Variants in PCDHGA2 observed in about 807,000 individuals in gnomAD.
PCDHGA2 encodes protocadherin gamma subfamily A, 2, also known as protocadherin gamma-A2.
PCDHGA2 carries 40 observed loss-of-function variants against 59.2 expected under a neutral mutation model. That is an observed-to-expected ratio of 0.68 (90% CI 0.52 to 0.88). The LOEUF is 0.88. PCDHGA2 is among the 40% of genes least tolerant of loss of function. The pLI is 0.00. For missense variants in PCDHGA2, 1,226 were observed against 1,204.0 expected (o/e 1.02, Z -0.27); for synonymous variants, 560 against 526.0 (o/e 1.06, Z -0.89).
chr5:141,396,943 G>A (rs1388753275), intron 1 of PCDHGA2, among the ~76,000 whole-genome samples: 6 of 152,178 alleles, frequency 3.9e-5, no homozygotes, highest in African/African-American at 1.2e-4. Flanking sequence ...TGCCCTGGTA[G>A]GAAAGAAAAT....
rs749645155 is a variant in PCDHGA2 at position 141,414,214 on chromosome 5, A to G, written c.2424+72819A>G. On this transcript the variant is annotated intron_variant, in intron 1 of 3. Transcript: ENST00000394576. ...GATTACAGTAGAAGATGTAAATGAC[A>G]ACAGTCCAGAGCTGACCATCACGTC... 6.2e-6 allele frequency: 10 copies of G among 1,613,126 alleles called. No homozygotes were observed. The South Asian group carries it at 9.9e-5, about 16-fold the overall frequency.
chr5:141,476,656 T>C lies in PCDHGA2; in HGVS notation c.2425-18151T>C. 1 of 1,614,210 alleles carries C rather than the reference T, an allele frequency of 6.2e-7. No individual in the cohort carries two copies. Among genetic ancestry groups the C allele is most frequent in the Non-Finnish European group, 8.5e-7 (1 of 1,180,044 alleles). On this transcript the variant is annotated intron_variant, in intron 1 of 3. Coordinates refer to ENST00000394576, the MANE Select transcript of PCDHGA2 (RefSeq NM_018915.4). This position sits in a 1 kb window ranked among gnomAD's most constrained non-coding sequence, Gnocchi z 7.6. ...ATGAGCTGAGCCGAAATGAATACTT[T>C]GCGCTTCGCGTGCAGACGCGGGAGG...
At chr5:141,365,624 CT>C (rs746073456) in intron 1 of PCDHGA2, 28 of 1,613,680 alleles carry the variant, frequency 1.7e-5, no homozygotes, top group East Asian at 1.3e-4. Flanking sequence ...AACCCCGCCC[CT>C]CTCTACAGAA....
chr5:141,363,067 T>A (rs1215757323), intron 1 of PCDHGA2, among the ~76,000 whole-genome samples: 1 of 152,250 alleles, frequency 6.6e-6, no homozygotes, highest in Non-Finnish European at 1.5e-5. Context: ...GCTAAATGTC[T>A]TGGAATCACA....
At chr5:141,361,081 A>T (rs1273300607) in intron 1 of PCDHGA2, 5 of 1,613,948 alleles carry the variant, frequency 3.1e-6, no homozygotes, top group Non-Finnish European at 4.2e-6. Flanking sequence ...AAGTAGTTAC[A>T]CTCTGAGTAT....
At chr5:141,494,763 C>T in intron 1 of PCDHGA2, 44 bp from the exon 2 acceptor site, 4 of 1,613,926 alleles carry the variant, frequency 2.5e-6, no homozygotes, top group Admixed American at 1.7e-5. Context: ...GACATTCTAA[C>T]TTCTCACGGG....
At position 141,362,252 on chromosome 5, in the gene PCDHGA2, C is replaced by A. The variant is rs1030341825; in HGVS notation, c.2424+20857C>A. ...TTGATCTCAGTGCTCTTCTTCCTCGCGGTGATTCTGGCAATCTCCCTGCGC... is the reference window on the plus strand; with the variant it reads ...TTGATCTCAGTGCTCTTCTTCCTCGAGGTGATTCTGGCAATCTCCCTGCGC... On this transcript the variant is annotated intron_variant, in intron 1 of 3. Coordinates refer to ENST00000394576, the MANE Select transcript of PCDHGA2 (RefSeq NM_018915.4). 1.9e-6 allele frequency: 3 copies of A among 1,613,904 alleles called. No homozygotes were observed. In the Admixed American group the frequency reaches 5.0e-5, roughly 27 times the overall value.
intron 1 of PCDHGA2, chr5:141,361,654 G>T (rs779307225): frequency 1.2e-6 from 2 of 1,613,664 alleles, no homozygotes; most frequent in African/African-American, 1.3e-5. Context: ...CTACGTGTCC[G>T]TGAGCGCGCA....
At chr5:141,495,104 G>C (rs552664771) in intron 2 of PCDHGA2, among the ~76,000 whole-genome samples, 16 of 152,194 alleles carry the variant, frequency 1.1e-4, no homozygotes, top group Admixed American at 8.5e-4. Flanking sequence ...CGCCACGACC[G>C]GCACCTTTTC....
At chr5:141,501,355 A>G (rs936121172) in intron 2 of PCDHGA2, among the ~76,000 whole-genome samples, 4 of 151,760 alleles carry the variant, frequency 2.6e-5, no homozygotes, top group African/African-American at 9.7e-5. Flanking sequence ...ATAGGGCAAG[A>G]ACCATATTCA....
At chr5:141,410,348 C>T (rs761119683) in intron 1 of PCDHGA2, 3 of 1,614,034 alleles carry the variant, frequency 1.9e-6, no homozygotes, top group East Asian at 2.2e-5. Context: ...CTTGCGCCTG[C>T]GACGCTCTCT....
At chr5:141,418,185 T>C in intron 1 of PCDHGA2, 1 of 1,614,058 alleles carries the variant, frequency 6.2e-7, no homozygotes, top group Non-Finnish European at 8.5e-7. Flanking sequence ...TTGGAAGCTG[T>C]GGTGGAAAAT....
At chr5:141,387,156 A>C (rs1173690148) in intron 1 of PCDHGA2, among the ~76,000 whole-genome samples, 1 of 152,232 alleles carries the variant, frequency 6.6e-6, no homozygotes, top group Non-Finnish European at 1.5e-5. Flanking sequence ...GTGTATTTGA[A>C]GATAAGTATA....
chr5:141,427,825 C>A (rs1342117815), intron 1 of PCDHGA2: 1 of 1,536,464 alleles, frequency 6.5e-7, no homozygotes, highest in Non-Finnish European at 8.9e-7. Flanking sequence ...GTGGTGGTCG[C>A]GCAGCGTGCC....
intron 1 of PCDHGA2, chr5:141,395,467 C>T (rs2093236177): frequency 1.8e-6 from 1 of 566,628 alleles, no homozygotes; most frequent in Non-Finnish European, 3.0e-6. Context: ...TTTAAGCCTT[C>T]CAGTATTTTA....
At chr5:141,500,045 T>C (rs2099796072) in intron 2 of PCDHGA2, among the ~76,000 whole-genome samples, 1 of 152,062 alleles carries the variant, frequency 6.6e-6, no homozygotes, top group South Asian at 2.1e-4. Flanking sequence ...CTTAAGTATC[T>C]TAATGCTCTT....
chr5:141,480,239 A>C (rs1320132415), intron 1 of PCDHGA2, among the ~76,000 whole-genome samples: 4 of 136,218 alleles, frequency 2.9e-5, no homozygotes, highest in African/African-American at 1.1e-4. Context: ...TCCTGTCTCT[A>C]CAAAAAAAAA....
In PCDHGA2 at chr5:141,405,021, C is replaced by T. The variant is rs188043964; in HGVS notation, c.2424+63626C>T. The T allele has an allele frequency of 2.9e-5, 46 of 1,613,980 alleles. No homozygotes were observed. Among genetic ancestry groups the T allele is most frequent in the Non-Finnish European group, 3.7e-5 (44 of 1,179,862 alleles). On this transcript the variant is annotated intron_variant, in intron 1 of 3. Coordinates refer to ENST00000394576, the MANE Select transcript of PCDHGA2 (RefSeq NM_018915.4). ...GCAGACCTGGAGGCCTCAGACCTTA[C>T]CCTCTACCTCGTTGTGGCTGTGGCA...
intron 1 of PCDHGA2, among the ~76,000 whole-genome samples, chr5:141,425,778 C>G (rs2096893107): frequency 6.6e-6 from 1 of 152,160 alleles, no homozygotes; most frequent in African/African-American, 2.4e-5. Flanking sequence ...AAGACTTTGC[C>G]TAGTTCTTCC....
Sources: gnomAD v4.1 joint callset for allele counts (sites outside exome capture counted in the v4.1 genomes callset) on GRCh38, gnomAD v4.1.1 for gene constraint, Gnocchi (gnomAD v3.1) non-coding constraint, MANE v1.5 for transcripts, NCBI Gene and HGNC (gene_info 2026-07-23, HGNC 2026-07-21) for gene names.